The following ABCA4 variants were observed in gnomAD, a reference collection of about 807,000 sequenced individuals.
The protein encoded by ABCA4 is ATP binding cassette subfamily A member 4, also known as retinal-specific phospholipid-transporting ATPase ABCA4.
ABCA4 carries 196 observed loss-of-function variants against 263.7 expected under a neutral mutation model. The observed-to-expected ratio is 0.74, with a 90% CI of 0.66 to 0.84. The LOEUF (loss-of-function observed/expected upper bound fraction) is 0.84. Among genes scored for constraint, ABCA4 ranks in the 40% least tolerant of loss-of-function variants. The probability of loss-of-function intolerance (pLI) is 0.00; values close to 1 mark genes in which losing one functional copy is unlikely to be tolerated. For missense variants in ABCA4, 2,792 were observed against 2,855.1 expected (o/e 0.98, Z 0.50); for synonymous variants, 1,133 against 1,094.2 (o/e 1.04, Z -0.70).
At chr1:94,115,646 C>T (rs962905807) in intron 1 of ABCA4, among the ~76,000 whole-genome samples, 5 of 152,212 alleles carry the variant, frequency 3.3e-5, no homozygotes, top group African/African-American at 4.8e-5. Context: ...CCAGAGCAGT[C>T]GTGAGGGTGA....
intron 47 of ABCA4, among the ~76,000 whole-genome samples, chr1:93,999,389 C>T (rs1485287983): frequency 6.6e-6 from 1 of 152,196 alleles, no homozygotes; most frequent in Non-Finnish European, 1.5e-5. Flanking sequence ...CAAGACTGCC[C>T]ATAAAGACAC....
At chr1:94,037,091 A>G in intron 25 of ABCA4, 54 bp downstream of exon 25, 7 of 1,584,706 alleles carry the variant, frequency 4.4e-6, no homozygotes, top group Non-Finnish European at 6.1e-6. Context: ...AGACTTTTTC[A>G]AAGAACCGCC....
At chr1:94,076,063 C>A (rs531840267) in intron 11 of ABCA4, among the ~76,000 whole-genome samples, 2 of 152,328 alleles carry the variant, frequency 1.3e-5, no homozygotes, top group Admixed American at 6.5e-5. Flanking sequence ...AAGGGACAGT[C>A]ATTTCAGGCA....
At chr1:94,009,552 G>A (rs1180830510) in intron 40 of ABCA4, among the ~76,000 whole-genome samples, 1 of 152,146 alleles carries the variant, frequency 6.6e-6, no homozygotes, top group Non-Finnish European at 1.5e-5. Context: ...AGTCCTATTG[G>A]TCATTCCCGT....
rs972911831 is a variant in ABCA4, at chr1:94,055,972, G to T, written c.2382+629C>A. ...CAGAGGCTGATTAGAGGGTGGAAAT[G>T]GCCCATTTGAAAACAATTAGAGAAA... On this transcript the variant is annotated intron_variant, in intron 15 of 49. Coordinates refer to ENST00000370225, the MANE Select transcript of ABCA4 (RefSeq NM_000350.3). 4.6e-5 allele frequency among the ~76,000 whole-genome samples: 7 copies of T among 152,152 alleles called. No homozygotes were observed. The East Asian group carries it at 1.3e-3, about 29-fold the overall frequency.
intron 23 of ABCA4, 76 bp downstream of exon 23, chr1:94,041,133 C>G (rs914927470): frequency 1.4e-6 from 2 of 1,474,070 alleles, no homozygotes; most frequent in Non-Finnish European, 1.9e-6. Context: ...TGTGAGTAGC[C>G]ATGTCTGGAG....
At chr1:94,093,135 G>C (rs1056309771) in intron 6 of ABCA4, among the ~76,000 whole-genome samples, 1 of 152,166 alleles carries the variant, frequency 6.6e-6, no homozygotes, top group Non-Finnish European at 1.5e-5. Flanking sequence ...CAGGGGCAGG[G>C]AGGATGCTGA....
Position 94,080,434 on chromosome 1 carries a change from C to T in ABCA4, c.1099+44G>A, listed in dbSNP as rs567550752. ...TAGAAGTGTTAAACCATCAACTTAA[C>T]CAACATGAGAGGCCAATTTATAAGC... On this transcript the variant is annotated intron_variant, in intron 8 of 49. Transcript: ENST00000370225. 1.9e-6 allele frequency: 3 copies of T among 1,613,214 alleles called. No individual in the cohort carries two copies. The African/African-American group carries it at 4.0e-5, about 21-fold the overall frequency.
rs750246648 is a variant in ABCA4, at chr1:94,023,564, C to T, written c.4635-146G>A. On this transcript the variant is annotated intron_variant, in intron 31 of 49. Coordinates refer to ENST00000370225, the MANE Select transcript of ABCA4 (RefSeq NM_000350.3). Reference sequence around the variant, plus strand: ...TCCGATATCCAAGCAATGCGGAAGCCGCCCAGCCCTGGGACATTGCCTGAA... The same window carrying T: ...TCCGATATCCAAGCAATGCGGAAGCTGCCCAGCCCTGGGACATTGCCTGAA... 278 of 731,474 alleles carry T rather than the reference C, an allele frequency of 3.8e-4. 2 individuals are homozygous for T. The highest frequency in any genetic ancestry group is 7.3e-4 in the South Asian group (47 of 64,266). The allele number at this position is 731,474 out of a possible 1,614,324, so 45.3% of individuals were successfully genotyped here. A position where few individuals can be genotyped will look rare whatever the true frequency, so the allele number is the denominator to read the frequency against.
intron 4 of ABCA4, among the ~76,000 whole-genome samples, chr1:94,104,889 C>T (rs1161180881): frequency 2.6e-5 from 4 of 152,184 alleles, no homozygotes; most frequent in African/African-American, 4.8e-5. Context: ...TTGTTCTTTT[C>T]CCAATTACCC....
intron 30 of ABCA4, among the ~76,000 whole-genome samples, chr1:94,027,602 T>G (rs745826271): frequency 2.6e-5 from 4 of 152,160 alleles, no homozygotes; most frequent in Non-Finnish European, 5.9e-5. Context: ...TAAAGATACA[T>G]GCTTTAGAAT....
intron 22 of ABCA4, 128 bp from the exon 23 acceptor site, chr1:94,041,530 G>A: frequency 2.1e-6 from 2 of 960,438 alleles, no homozygotes; most frequent in Non-Finnish European, 3.2e-6. Context: ...AAAAACCCAA[G>A]GGAACTAATT....
chr1:94,022,074 G>T (rs759829474), intron 32 of ABCA4, 123 bp from the exon 33 acceptor site: 7 of 810,342 alleles, frequency 8.6e-6, no homozygotes, highest in Non-Finnish European at 1.3e-5. Flanking sequence ...CGAGCAACAT[G>T]GCTCCACTTT....
intron 18 of ABCA4, among the ~76,000 whole-genome samples, chr1:94,047,759 G>A (rs901711214): frequency 6.6e-5 from 10 of 152,026 alleles, no homozygotes; most frequent in South Asian, 2.1e-4. Context: ...GGCAGTCCAC[G>A]CTTCCTCATC....
intron 30 of ABCA4, among the ~76,000 whole-genome samples, chr1:94,026,803 A>G (rs1660050477): frequency 1.3e-5 from 2 of 152,156 alleles, no homozygotes; most frequent in South Asian, 4.1e-4. Context: ...CATTTCCCAG[A>G]TGAGAACAAC....
At chr1:94,019,823 A>G in intron 35 of ABCA4, 64 bp from the exon 36 acceptor site, 4 of 1,553,492 alleles carry the variant, frequency 2.6e-6, no homozygotes, top group Non-Finnish European at 3.5e-6. Flanking sequence ...GGAGGAGAAG[A>G]TACAAAGTCA....
At chr1:94,107,726 C>T (rs529043676) in intron 4 of ABCA4, among the ~76,000 whole-genome samples, 4 of 152,208 alleles carry the variant, frequency 2.6e-5, no homozygotes, top group South Asian at 4.1e-4. Flanking sequence ...GCACCTGCAC[C>T]TTTGCCCCAC....
At chr1:94,041,554 C>T in intron 22 of ABCA4, 152 bp from the exon 23 acceptor site, 1 of 769,654 alleles carries the variant, frequency 1.3e-6, no homozygotes, top group Admixed American at 2.4e-5. Flanking sequence ...CAGCAAATTC[C>T]AGCATATTAG....
At position 94,051,429 on chromosome 1, in the gene ABCA4, A is replaced by C. The variant is rs1191231; in HGVS notation, c.2653+204T>G. On this transcript the variant is annotated intron_variant, in intron 17 of 49. Transcript: ENST00000370225. ...GGGCTTCATCCATGATCAGCCATTC[A>C]TGATCACACAGGGCCCAGCAACTTG... 0.36 allele frequency among the ~76,000 whole-genome samples: 54,009 copies of C among 152,082 alleles called. 11,851 individuals carry two copies. The highest frequency in any genetic ancestry group is 0.49 in the Non-Finnish European group (33,412 of 67,954).
Sources: allele counts gnomAD v4.1 joint callset (sites outside exome capture counted in the v4.1 genomes callset), GRCh38; gene constraint gnomAD v4.1.1; transcripts MANE v1.5; gene names NCBI Gene and HGNC (gene_info 2026-07-23, HGNC 2026-07-21).